Variants in CD2AP observed in about 807,000 individuals in gnomAD.
CD2AP encodes CD2-associated protein.
Under a neutral mutation model 85.1 loss-of-function variants are expected in CD2AP, and 46 were observed. The observed-to-expected ratio is 0.54, with a 90% CI of 0.43 to 0.69. The LOEUF (loss-of-function observed/expected upper bound fraction) is 0.69. Among genes scored for constraint, CD2AP ranks in the 30% least tolerant of loss-of-function variants. The pLI is 0.00. For synonymous variants in CD2AP, 255 were observed against 252.9 expected (o/e 1.01, Z -0.08); for missense variants, 769 against 729.5 (o/e 1.05, Z -0.62).
intron 12 of CD2AP, among the ~76,000 whole-genome samples, chr6:47,597,493 A>C (rs1768983686): frequency 6.6e-6 from 1 of 150,968 alleles, no homozygotes; most frequent in East Asian, 1.9e-4. Flanking sequence ...GAGAAGGTGG[A>C]GGAAAGCTAG....
intron 5 of CD2AP, among the ~76,000 whole-genome samples, chr6:47,562,124 C>T (rs1268216425): frequency 6.6e-6 from 1 of 152,162 alleles, no homozygotes; most frequent in African/African-American, 2.4e-5. Flanking sequence ...ATCTAAACAT[C>T]GCAAGCTACA....
intron 3 of CD2AP, among the ~76,000 whole-genome samples, chr6:47,535,625 A>T (rs1767019241): frequency 1.3e-5 from 2 of 152,326 alleles, no homozygotes; most frequent in South Asian, 4.1e-4. Flanking sequence ...ATATCCAGGG[A>T]ATATTTGCAT....
intron 17 of CD2AP, among the ~76,000 whole-genome samples, chr6:47,612,850 A>C (rs983506573): frequency 1.3e-5 from 2 of 152,170 alleles, no homozygotes; most frequent in African/African-American, 4.8e-5. Flanking sequence ...TGGATACCAG[A>C]GGGTGGGACG....
At chr6:47,483,120 G>A (rs964384068) in intron 1 of CD2AP, among the ~76,000 whole-genome samples, 3 of 152,198 alleles carry the variant, frequency 2.0e-5, no homozygotes, top group Non-Finnish European at 2.9e-5. Flanking sequence ...TTATGATGGA[G>A]CTGTTACTGC....
chr6:47,527,666 A>G (rs188951935), intron 2 of CD2AP, among the ~76,000 whole-genome samples: 1 of 152,328 alleles, frequency 6.6e-6, no homozygotes, highest in East Asian at 1.9e-4. Flanking sequence ...GGTATGGGAC[A>G]TGGAAGTAAC....
intron 5 of CD2AP, among the ~76,000 whole-genome samples, chr6:47,565,765 G>A (rs189544658): frequency 9.2e-5 from 14 of 152,086 alleles, no homozygotes; most frequent in Non-Finnish European, 1.5e-4. Flanking sequence ...CTTCACTGCC[G>A]CTATCCTGGT....
At position 47,624,265 on chromosome 6, in the gene CD2AP, C is replaced by T. The variant is rs2114169035; in HGVS notation, c.*38C>T. 1 of 1,537,356 alleles carries T rather than the reference C, an allele frequency of 6.5e-7. No homozygotes were observed. The highest frequency in any genetic ancestry group is 9.0e-7 in the Non-Finnish European group (1 of 1,110,616). On this transcript the variant is annotated 3_prime_UTR_variant, in exon 18 of 18. Coordinates refer to ENST00000359314, the MANE Select transcript of CD2AP (RefSeq NM_012120.3). ...TGGTGTTCATAATGTTCCAGGGATT[C>T]AGAAGCAACGCTATGAACTTCAGCT...
chr6:47,505,622 GC>G (rs1766127985), intron 2 of CD2AP, among the ~76,000 whole-genome samples: 1 of 102,422 alleles, frequency 9.8e-6, no homozygotes, highest in African/African-American at 3.5e-5. Context: ...GGCGGGGGGG[GC>G]TGACCCCCCC....
intron 13 of CD2AP, among the ~76,000 whole-genome samples, chr6:47,602,290 T>A (rs968858991): frequency 5.9e-5 from 9 of 151,950 alleles, no homozygotes; most frequent in Non-Finnish European, 1.2e-4. Flanking sequence ...ATAATGTAGT[T>A]TTATAAATAT....
intron 2 of CD2AP, among the ~76,000 whole-genome samples, chr6:47,510,492 C>G (rs2113992177): frequency 6.6e-6 from 1 of 152,124 alleles, no homozygotes; most frequent in Non-Finnish European, 1.5e-5. Flanking sequence ...GTTAAAAAAA[C>G]AAAAGGTGGG....
At chr6:47,530,060 CT>C (rs1766832431) in intron 2 of CD2AP, among the ~76,000 whole-genome samples, 2 of 152,208 alleles carry the variant, frequency 1.3e-5, no homozygotes, top group South Asian at 4.1e-4. Flanking sequence ...TTTATTCTTT[CT>C]GTCTCAGTAG....
Position 47,477,960 on chromosome 6 carries a change from CGCGGTCGGGCGGGCGG to C in CD2AP, c.-283_-268del, listed in dbSNP as rs1765344098. On this transcript the variant is annotated 5_prime_UTR_variant, in exon 1 of 18. Transcript: ENST00000359314. ...GCGGGAGCGGCCAGGGTGGGAAAAC[CGCGGTCGGGCGGGCGG>C]GGTAGGGCCCTCCCGCCGCCGTGGC... The C allele has an allele frequency of 5.7e-6, 3 of 526,406 alleles. No individual in the cohort carries two copies. In the East Asian group the frequency reaches 1.0e-4, roughly 18 times the overall value. The allele number at this position is 526,406 out of a possible 1,614,324, so 32.6% of individuals were successfully genotyped here.
intron 11 of CD2AP, among the ~76,000 whole-genome samples, chr6:47,584,674 T>A (rs1415461593): frequency 1.3e-5 from 2 of 152,148 alleles, no homozygotes; most frequent in Admixed American, 6.5e-5. Flanking sequence ...GAAGTTTTTT[T>A]ATATTCTTTT....
chr6:47,556,614 G>A (rs750272900), intron 5 of CD2AP, among the ~76,000 whole-genome samples: 1 of 152,074 alleles, frequency 6.6e-6, no homozygotes, highest in African/African-American at 2.4e-5. Flanking sequence ...CTCCCAAAGT[G>A]CTGAGATTAC....
At chr6:47,542,854 T>G (rs1366109980) in intron 3 of CD2AP, among the ~76,000 whole-genome samples, 1 of 151,944 alleles carries the variant, frequency 6.6e-6, no homozygotes, top group Non-Finnish European at 1.5e-5. Context: ...TTATTTAATT[T>G]AGAAAGCTAT....
chr6:47,522,372 T>C (rs1766620391), intron 2 of CD2AP, among the ~76,000 whole-genome samples: 1 of 152,214 alleles, frequency 6.6e-6, no homozygotes, highest in Admixed American at 6.5e-5. Context: ...CAGTTTGTTT[T>C]TGTGAGCTTT....
chr6:47,499,281 G>A (rs1765944111), intron 1 of CD2AP, among the ~76,000 whole-genome samples: 1 of 151,086 alleles, frequency 6.6e-6, no homozygotes, highest in African/African-American at 2.4e-5. Context: ...AGGTCCATTA[G>A]TTGGACAGAG....
At chr6:47,580,466 C>CA (rs34686999) in intron 9 of CD2AP, among the ~76,000 whole-genome samples, 79 of 149,544 alleles carry the variant, frequency 5.3e-4, no homozygotes, top group African/African-American at 1.6e-3. Context: ...ACAAAACAAA[C>CA]AAAAAAAAAA....
chr6:47,549,206 A>G (rs1270896798), intron 4 of CD2AP, among the ~76,000 whole-genome samples: 2 of 152,194 alleles, frequency 1.3e-5, no homozygotes, highest in East Asian at 1.9e-4. Flanking sequence ...TAGCCAGAGC[A>G]ATTAGACAAG....
Sources: allele counts gnomAD v4.1 joint callset (sites outside exome capture counted in the v4.1 genomes callset), GRCh38; gene constraint gnomAD v4.1.1; transcripts MANE v1.5; gene names NCBI Gene and HGNC (gene_info 2026-07-23, HGNC 2026-07-21).